Variants in ECE1 observed in about 807,000 individuals in gnomAD.
The protein encoded by ECE1 is endothelin-converting enzyme 1.
A neutral mutation model predicts 98.6 loss-of-function variants in ECE1; 35 were observed. The observed-to-expected ratio is 0.35, with a 90% CI of 0.27 to 0.47. The LOEUF is 0.47. Ranked by LOEUF, ECE1 falls within the 20% of genes least tolerant of loss-of-function variation. The pLI, the probability that ECE1 is intolerant of heterozygous loss-of-function variation, is 1.00. For missense variants in ECE1, 814 were observed against 1,025.3 expected (o/e 0.79, Z 2.81); for synonymous variants, 394 against 407.1 (o/e 0.97, Z 0.39).
At position 21,219,900 on chromosome 1, in the gene ECE1, G is replaced by A; in HGVS notation, c.*55C>T. The A allele has an allele frequency of 1.2e-6, 2 of 1,606,378 alleles. No individual in the cohort carries two copies. The highest frequency in any genetic ancestry group is 1.7e-5 in the Admixed American group (1 of 59,460). On this transcript the variant is annotated 3_prime_UTR_variant, in exon 19 of 19. Coordinates refer to ENST00000374893, the MANE Select transcript of ECE1 (RefSeq NM_001397.3). This position sits in a 1 kb window ranked among gnomAD's most constrained non-coding sequence, Gnocchi z 4.5. ...GAGCAATGCCCTGGAGGCTGGATGG[G>A]GGTCTCGTCCTCAGCCCCTTCCCCT...
At chr1:21,244,628 C>G (rs2098200765) in intron 10 of ECE1, among the ~76,000 whole-genome samples, 1 of 152,122 alleles carries the variant, frequency 6.6e-6, no homozygotes, top group Non-Finnish European at 1.5e-5. Flanking sequence ...TAACACTGAA[C>G]AGTCGCGTGG....
At chr1:21,238,406 C>A in intron 10 of ECE1, 162 bp from the exon 11 acceptor site, 1 of 676,266 alleles carries the variant, frequency 1.5e-6, no homozygotes, top group South Asian at 1.6e-5. Flanking sequence ...ACCAAGAGGC[C>A]ACTGATACCC....
Position 21,221,842 on chromosome 1 carries a change from C to G in ECE1, c.2041G>C (p.Ala681Pro). Residue 681 changes from alanine (A) to proline (P), a missense_variant and splice_region_variant, in exon 18 of 19, where the codon GCT becomes CCT. Physicochemically the swap from Ala to Pro is conservative, Grantham distance 27 (BLOSUM62 -1). Transcript: ENST00000374893. ...DNGGLKAAYR[A>P]YQNWVKKNGA... ...TTCTTCTTCACCCAGTTCTGGTAAG[C>G]CTGGGAGGAGAGAAAACCAAAGCTC... 6.2e-7 allele frequency: 1 copy of G among 1,614,060 alleles called. No individual in the cohort carries two copies. Among genetic ancestry groups the G allele is most frequent in the South Asian group, 1.1e-5 (1 of 91,082 alleles).
chr1:21,238,451 G>C (rs1371000591), intron 10 of ECE1: 1 of 626,464 alleles, frequency 1.6e-6, no homozygotes, highest in Non-Finnish European at 2.9e-6. Context: ...TGAATGCCAG[G>C]CTCTGTGCTG....
At chr1:21,247,103 A>G (rs1398738404) in intron 9 of ECE1, 118 bp downstream of exon 9, 4 of 1,458,240 alleles carry the variant, frequency 2.7e-6, no homozygotes, top group Non-Finnish European at 3.8e-6. Context: ...TGCCTCTCGT[A>G]AAAGCCCGCC....
chr1:21,317,475 G>A (rs372783243), intron 1 of ECE1, among the ~76,000 whole-genome samples: 7 of 152,340 alleles, frequency 4.6e-5, no homozygotes, highest in East Asian at 3.9e-4. Context: ...AGTCCAGCCC[G>A]CGGCGACGCT....
chr1:21,255,272 C>T (rs2282715), intron 8 of ECE1, among the ~76,000 whole-genome samples: 31,116 of 152,152 alleles, frequency 0.2, 3,832 homozygotes, highest in East Asian at 0.46. Context: ...TGTCAAGAAA[C>T]GGCAAGATCG....
chr1:21,332,438 T>G (rs554844916), intron 1 of ECE1, among the ~76,000 whole-genome samples: 1 of 151,306 alleles, frequency 6.6e-6, no homozygotes, highest in South Asian at 2.1e-4. Context: ...CTCTCTAAGC[T>G]TGGCACTATC....
chr1:21,320,315 G>T (rs1046712088), intron 1 of ECE1, among the ~76,000 whole-genome samples: 1 of 152,184 alleles, frequency 6.6e-6, no homozygotes, highest in African/African-American at 2.4e-5. Flanking sequence ...ATGGTGACAG[G>T]GCCAACCCCA....
chr1:21,341,972 T>C (rs570228456), intron 1 of ECE1, among the ~76,000 whole-genome samples: 2 of 152,228 alleles, frequency 1.3e-5, no homozygotes, highest in South Asian at 2.1e-4. Flanking sequence ...ACAGTGTTTC[T>C]ACATACATTG....
At chr1:21,232,671 G>GT (rs1033770375) in intron 14 of ECE1, among the ~76,000 whole-genome samples, 36 of 146,852 alleles carry the variant, frequency 2.5e-4, no homozygotes, top group African/African-American at 8.2e-4. Flanking sequence ...TCAGGAAGCT[G>GT]TATTTTTTTT....
chr1:21,318,952 C>T (rs1638901956), intron 1 of ECE1, among the ~76,000 whole-genome samples: 1 of 152,176 alleles, frequency 6.6e-6, no homozygotes, highest in African/African-American at 2.4e-5. Context: ...AAAATGCTTC[C>T]GTAAACTCAC....
intron 1 of ECE1, among the ~76,000 whole-genome samples, chr1:21,313,408 G>C (rs1301413884): frequency 6.6e-6 from 1 of 152,196 alleles, no homozygotes; most frequent in Admixed American, 6.5e-5. Context: ...GGGAGAGGAG[G>C]GCTGATTCCA....
chr1:21,345,371 C>T lies in ECE1; in HGVS notation c.3+5G>A, dbSNP rs1639479144. 11 of 1,346,376 alleles carry T rather than the reference C, an allele frequency of 8.2e-6. No homozygotes were observed. The highest frequency in any genetic ancestry group is 1.1e-5 in the Non-Finnish European group (11 of 1,039,206). 83.4% of individuals were successfully genotyped at this position (1,346,376 alleles called of 1,614,324 possible). Reference sequence around the variant, plus strand: ...CCGGACCAGACCTCCGCGCGCAGCACTCACCATAGCTCGCGTGCTCCGCCC... The same window carrying T: ...CCGGACCAGACCTCCGCGCGCAGCATTCACCATAGCTCGCGTGCTCCGCCC... On this transcript the variant is annotated splice_donor_5th_base_variant and intron_variant, in intron 1 of 18. Coordinates refer to the ECE1 transcript ENST00000415912. This position sits in a 1 kb window ranked among gnomAD's most constrained non-coding sequence, Gnocchi z 5.1.
chr1:21,240,652 G>C (rs1158720088), intron 10 of ECE1, among the ~76,000 whole-genome samples: 4 of 152,200 alleles, frequency 2.6e-5, no homozygotes, highest in African/African-American at 9.6e-5. Flanking sequence ...CCAACTACGT[G>C]TCCATTTGGA....
chr1:21,314,491 C>A (rs973387827), intron 1 of ECE1, among the ~76,000 whole-genome samples: 7 of 152,250 alleles, frequency 4.6e-5, no homozygotes, highest in African/African-American at 1.7e-4. Flanking sequence ...GGGATCGGCC[C>A]CAGCCCTGGT....
At chr1:21,297,806 G>A (rs1638399106) in intron 1 of ECE1, among the ~76,000 whole-genome samples, 2 of 150,970 alleles carry the variant, frequency 1.3e-5, no homozygotes, top group South Asian at 2.1e-4. Flanking sequence ...CAAAGTGCTG[G>A]GATTACAGAT....
chr1:21,228,055 A>C lies in ECE1; in HGVS notation c.1671-14T>G. ...GTCATGCTCCACCTGCAAGCAACACACATGCAGGAGGTCTCAGCACAGGGC... is the reference window on the plus strand; with the variant it reads ...GTCATGCTCCACCTGCAAGCAACACCCATGCAGGAGGTCTCAGCACAGGGC... On this transcript the variant is annotated splice_polypyrimidine_tract_variant and intron_variant, in intron 14 of 18. Transcript: ENST00000374893. The C allele has an allele frequency of 6.5e-7, 1 of 1,549,184 alleles. No homozygotes were observed. The highest frequency in any genetic ancestry group is 2.4e-5 in the East Asian group (1 of 41,228).
chr1:21,236,889 C>T lies in ECE1; in HGVS notation c.1390-45G>A. 2.6e-6 allele frequency: 4 copies of T among 1,534,848 alleles called. No homozygotes were observed. The South Asian group carries it at 4.5e-5, about 17-fold the overall frequency. On this transcript the variant is annotated intron_variant, in intron 11 of 18. Transcript: ENST00000374893. Reference sequence around the variant, plus strand: ...AGCAGTAAGGTCTGCGCACTGGTCTCAGGTAAATGCAACAGGCACCCCGTG... The same window carrying T: ...AGCAGTAAGGTCTGCGCACTGGTCTTAGGTAAATGCAACAGGCACCCCGTG...
Sources: allele counts gnomAD v4.1 joint callset (sites outside exome capture counted in the v4.1 genomes callset), GRCh38; gene constraint gnomAD v4.1.1; non-coding constraint Gnocchi (gnomAD v3.1); transcripts MANE v1.5; gene names NCBI Gene and HGNC (gene_info 2026-07-23, HGNC 2026-07-21).